Variants in PTBP3 observed in about 807,000 individuals in gnomAD.
PTBP3 encodes polypyrimidine tract-binding protein 3.
Under a neutral mutation model 58.7 loss-of-function variants are expected in PTBP3, and 20 were observed. The ratio of observed to expected loss-of-function variants is 0.34; its 90% CI spans 0.24 to 0.50. The LOEUF (loss-of-function observed/expected upper bound fraction) is 0.50, where lower values mean the gene tolerates loss of function less well. Ranked by LOEUF, PTBP3 falls within the 20% of genes least tolerant of loss-of-function variation. The probability of loss-of-function intolerance (pLI) is 0.98; values close to 1 mark genes in which losing one functional copy is unlikely to be tolerated. For missense variants in PTBP3, 509 were observed against 637.2 expected (o/e 0.80, Z 2.17); for synonymous variants, 185 against 219.8 (o/e 0.84, Z 1.40).
chr9:112,356,941 G>A, the PTBP3 span, among the ~76,000 whole-genome samples: 3 of 141,238 alleles, frequency 2.1e-5, no homozygotes, highest in Non-Finnish European at 3.0e-5. Context: ...GTGCAATGGC[G>A]TGATCTCAAC....
intron 1 of PTBP3, among the ~76,000 whole-genome samples, chr9:112,323,058 A>G (rs1041540524): frequency 6.6e-6 from 1 of 152,240 alleles, no homozygotes; most frequent in Admixed American, 6.5e-5. Context: ...CACCAGACTC[A>G]GCAACATAGA....
At chr9:112,378,377 A>T in the PTBP3 span, among the ~76,000 whole-genome samples, 2 of 152,236 alleles carry the variant, frequency 1.3e-5, no homozygotes, top group Non-Finnish European at 2.9e-5. Flanking sequence ...AAATTGGCAA[A>T]GGTTTTTTGT....
chr9:112,288,331 T>C (rs995787856), intron 2 of PTBP3, among the ~76,000 whole-genome samples: 1 of 152,206 alleles, frequency 6.6e-6, no homozygotes, highest in Non-Finnish European at 1.5e-5. Flanking sequence ...CAGGCATATG[T>C]ACTGTGCATA....
At chr9:112,328,717 GA>G (rs1384910315) in intron 1 of PTBP3, among the ~76,000 whole-genome samples, 2 of 152,270 alleles carry the variant, frequency 1.3e-5, no homozygotes, top group Admixed American at 1.3e-4. Flanking sequence ...TTGAGCTCAG[GA>G]GTTAGAGGCT....
In PTBP3 at chr9:112,221,948, G is replaced by A. The variant is rs1439895854; in HGVS notation, c.*1903C>T. The A allele has an allele frequency of 4.2e-6, 4 of 942,200 alleles. No homozygotes were observed. In the African/African-American group the frequency reaches 5.3e-5, roughly 13 times the overall value. 58.4% of individuals were successfully genotyped at this position (942,200 alleles called of 1,614,324 possible). On this transcript the variant is annotated 3_prime_UTR_variant, in exon 14 of 14. Transcript: ENST00000374257. ...AGAAGGGGTCACACTATGTTCCAGG[G>A]CTGGAGTGAAGTGGCTATTCACAAA...
chr9:112,231,972 A>AGAAGAGAAGAGAGG (rs1564391418), intron 9 of PTBP3, 127 bp downstream of exon 9: 4 of 337,328 alleles, frequency 1.2e-5, no homozygotes, highest in Non-Finnish European at 1.5e-5. Flanking sequence ...GAGAAGAGAG[A>AGAAGAGAAGAGAGG]AGAGAAGAGA....
intron 1 of PTBP3, among the ~76,000 whole-genome samples, chr9:112,315,118 A>C (rs1284944874): frequency 2.0e-5 from 3 of 152,188 alleles, no homozygotes; most frequent in Admixed American, 6.5e-5. Context: ...GGCATGAGCC[A>C]CCGCCCCCGG....
intron 5 of PTBP3, among the ~76,000 whole-genome samples, chr9:112,257,389 G>A (rs1400560300): frequency 5.3e-5 from 8 of 152,032 alleles, no homozygotes; most frequent in Non-Finnish European, 1.2e-4. Flanking sequence ...AATTCAGGAA[G>A]GTTTGATATA....
chr9:112,278,462 G>C (rs1049102823), intron 2 of PTBP3, among the ~76,000 whole-genome samples: 1 of 152,182 alleles, frequency 6.6e-6, no homozygotes, highest in Non-Finnish European at 1.5e-5. Flanking sequence ...AAGGCATGAA[G>C]CTCCTATCAG....
chr9:112,229,104 T>C (rs1835104473), intron 10 of PTBP3, among the ~76,000 whole-genome samples: 1 of 152,244 alleles, frequency 6.6e-6, no homozygotes, highest in East Asian at 1.9e-4. Flanking sequence ...AATCTATTTA[T>C]ATAAACCAAT....
At chr9:112,275,458 A>G (rs1424990693) in intron 3 of PTBP3, among the ~76,000 whole-genome samples, 2 of 152,210 alleles carry the variant, frequency 1.3e-5, no homozygotes, top group East Asian at 1.9e-4. Flanking sequence ...ATTTTTATCT[A>G]GATTTTTGAA....
At chr9:112,233,605 C>CTT in intron 8 of PTBP3, among the ~76,000 whole-genome samples, 1 of 152,146 alleles carries the variant, frequency 6.6e-6, no homozygotes, top group South Asian at 2.1e-4. Flanking sequence ...TCATATCACT[C>CTT]TTTCTGTTAA....
intron 1 of PTBP3, among the ~76,000 whole-genome samples, chr9:112,332,617 A>G (rs766740510): frequency 4.6e-5 from 7 of 152,186 alleles, no homozygotes; most frequent in Non-Finnish European, 8.8e-5. Flanking sequence ...CATAGTTGTT[A>G]CTTTAATTAC....
Position 112,234,896 on chromosome 9 carries a change from A to T in PTBP3, c.804T>A (p.Gly268=). The change falls in exon 8 of 14, where the codon GGT becomes GGA. Residue 268 remains glycine, a splice_region_variant and synonymous_variant. Coordinates refer to ENST00000374257, the MANE Select transcript of PTBP3 (RefSeq NM_001163788.4). Reference sequence around the variant, plus strand: ...ATGGTGAAGAAATTATACCCGGTGCACCTAATGGGAAAGAGAAGCTAAAGT... The same window carrying T: ...ATGGTGAAGAAATTATACCCGGTGCTCCTAATGGGAAAGAGAAGCTAAAGT... ...SLEPPMAAAF[G]APGIISSPYA... 1.2e-6 allele frequency: 2 copies of T among 1,611,028 alleles called. No individual in the cohort carries two copies. The highest frequency in any genetic ancestry group is 1.7e-6 in the Non-Finnish European group (2 of 1,177,790).
At chr9:112,225,239 G>A (rs1400889185) in intron 12 of PTBP3, among the ~76,000 whole-genome samples, 1 of 152,186 alleles carries the variant, frequency 6.6e-6, no homozygotes, top group Non-Finnish European at 1.5e-5. Context: ...TAGGAAGACA[G>A]ACCTGGGTTC....
chr9:112,316,887 G>GC, intron 1 of PTBP3, among the ~76,000 whole-genome samples: 1 of 151,926 alleles, frequency 6.6e-6, no homozygotes, highest in East Asian at 1.9e-4. Context: ...CAGGAAAATC[G>GC]CTTGAACCCG....
At chr9:112,320,845 G>A (rs1292359362) in intron 1 of PTBP3, among the ~76,000 whole-genome samples, 3 of 152,038 alleles carry the variant, frequency 2.0e-5, no homozygotes, top group African/African-American at 7.2e-5. Context: ...GTTTACTCAC[G>A]CCATACACAA....
Position 112,220,473 on chromosome 9 carries a change from G to A in PTBP3, c.*3378C>T, listed in dbSNP as rs538144140. ...ACAGAACCCATGATTATCATACTAG[G>A]TGGAGCCAAAGAAGGCCTCACTGTC... On this transcript the variant is annotated 3_prime_UTR_variant, in exon 14 of 14. Coordinates refer to ENST00000374257, the MANE Select transcript of PTBP3 (RefSeq NM_001163788.4). 12 of 1,084,046 alleles carry A rather than the reference G, an allele frequency of 1.1e-5. No homozygotes were observed. The highest frequency in any genetic ancestry group is 1.4e-5 in the Non-Finnish European group (12 of 885,252). The allele number at this position is 1,084,046 out of a possible 1,614,324, so 67.2% of individuals were successfully genotyped here.
chr9:112,339,526 C>T, the PTBP3 span, among the ~76,000 whole-genome samples: 102 of 151,510 alleles, frequency 6.7e-4, no homozygotes, highest in African/African-American at 2.3e-3. Flanking sequence ...TTTTTCTTTA[C>T]CTTTATTTAC....
Sources: gnomAD v4.1 joint callset for allele counts (sites outside exome capture counted in the v4.1 genomes callset) on GRCh38, gnomAD v4.1.1 for gene constraint, MANE v1.5 for transcripts, NCBI Gene and HGNC (gene_info 2026-07-23, HGNC 2026-07-21) for gene names.